Variants in ZNF107 observed in about 807,000 individuals in gnomAD.
The protein encoded by ZNF107 is C2H2 type zinc-finger protein.
In ZNF107, 19 loss-of-function variants were observed where a neutral mutation model predicts 12.3. The observed-to-expected ratio is 1.55, with a 90% CI of 1.08 to 2.27. The LOEUF (loss-of-function observed/expected upper bound fraction) is 2.27. ZNF107 is among the 30% of genes most tolerant of loss of function. The probability of loss-of-function intolerance (pLI) is 0.00; values close to 1 mark genes in which losing one functional copy is unlikely to be tolerated. For synonymous variants in ZNF107, 317 were observed against 330.5 expected (o/e 0.96, Z 0.44); for missense variants, 958 against 979.9 (o/e 0.98, Z 0.30).
At chr7:64,690,521 A>C (rs1262747768) in intron 1 of ZNF107, 1 of 985,248 alleles carries the variant, frequency 1.0e-6, no homozygotes, top group African/African-American at 1.7e-5. Flanking sequence ...AAATGGGAAA[A>C]AAAGGTATGC....
rs146909243 is a variant in ZNF107 at position 64,707,353 on chromosome 7, A to G, written c.1256A>G (p.His419Arg). The change falls in exon 4 of 4, where the codon CAT (histidine) becomes CGT (arginine). Residue 419 changes from histidine to arginine, a missense_variant. Physicochemically the swap from His to Arg is conservative, Grantham distance 29. Transcript: ENST00000620827. Reference sequence around the variant, plus strand: ...ACTCTTACTAGACATAAGATAATTCATACTGGAGAGAAACCCTACAAATGT... The same window carrying G: ...ACTCTTACTAGACATAAGATAATTCGTACTGGAGAGAAACCCTACAAATGT... ...FSTLTRHKII[H>R]TGEKPYKCKE... 1.9e-6 allele frequency: 3 copies of G among 1,613,300 alleles called. No homozygotes were observed. The highest frequency in any genetic ancestry group is 2.5e-6 in the Non-Finnish European group (3 of 1,179,754).
At chr7:64,671,901 C>T (rs1208468787) in intron 1 of ZNF107, among the ~76,000 whole-genome samples, 2 of 151,430 alleles carry the variant, frequency 1.3e-5, no homozygotes, top group Admixed American at 6.6e-5. Flanking sequence ...CCTGCCTCAG[C>T]CTCCCGAGTA....
At chr7:64,687,909 CAT>C (rs1789979039) in intron 1 of ZNF107, among the ~76,000 whole-genome samples, 1 of 152,224 alleles carries the variant, frequency 6.6e-6, no homozygotes, top group East Asian at 1.9e-4. Context: ...AATTACCACA[CAT>C]GATATAAACA....
At chr7:64,692,270 A>C (rs1389209216) in intron 3 of ZNF107, among the ~76,000 whole-genome samples, 1 of 152,140 alleles carries the variant, frequency 6.6e-6, no homozygotes, top group African/African-American at 2.4e-5. Flanking sequence ...ACACACATAC[A>C]TCTGCATAAT....
intron 3 of ZNF107, 55 bp downstream of exon 3, chr7:64,692,015 C>A: frequency 8.2e-7 from 1 of 1,220,640 alleles, no homozygotes; most frequent in South Asian, 1.6e-5. Flanking sequence ...GGTCAAAGGT[C>A]AAAGAAAAAG....
chr7:64,710,457 T>C lies in ZNF107; in HGVS notation c.*1801T>C, dbSNP rs900570137. On this transcript the variant is annotated 3_prime_UTR_variant, in exon 4 of 4. Coordinates refer to ENST00000620827, the MANE Select transcript of ZNF107 (RefSeq NM_001282359.2). ...TAAGTCTATATAAATATCAGAGAATTCACAGTAGAAATATCTAAGGTACTG... is the reference window on the plus strand; with the variant it reads ...TAAGTCTATATAAATATCAGAGAATCCACAGTAGAAATATCTAAGGTACTG... 4 of 152,164 alleles carry C rather than the reference T, an allele frequency of 2.6e-5. No homozygotes were observed. The highest frequency in any genetic ancestry group is 7.2e-5 in the African/African-American group (3 of 41,442). The allele number at this position is 152,164 out of a possible 1,614,324, so 9.4% of individuals were successfully genotyped here.
At chr7:64,671,779 CTTTT>C (rs1213610930) in intron 1 of ZNF107, among the ~76,000 whole-genome samples, 2 of 116,552 alleles carry the variant, frequency 1.7e-5, no homozygotes, top group Admixed American at 9.0e-5. Flanking sequence ...CCTTTTTGTT[CTTTT>C]TTTTTTTTTT....
At chr7:64,701,887 T>C (rs904428134) in intron 3 of ZNF107, among the ~76,000 whole-genome samples, 1 of 152,074 alleles carries the variant, frequency 6.6e-6, no homozygotes, top group Non-Finnish European at 1.5e-5. Context: ...TCCCAAAATA[T>C]TGGGATTACA....
intron 3 of ZNF107, among the ~76,000 whole-genome samples, chr7:64,692,946 G>C (rs1474304152): frequency 6.6e-6 from 1 of 151,844 alleles, no homozygotes. Context: ...TCTGCAACCA[G>C]CAACTTTTTA....
At chr7:64,702,160 T>A (rs1449874192) in intron 3 of ZNF107, among the ~76,000 whole-genome samples, 1 of 152,024 alleles carries the variant, frequency 6.6e-6, no homozygotes, top group African/African-American at 2.4e-5. Flanking sequence ...GTTTTATTTT[T>A]TTTTTTGAGA....
chr7:64,677,884 G>C (rs575192835), intron 1 of ZNF107, among the ~76,000 whole-genome samples: 105 of 149,424 alleles, frequency 7.0e-4, no homozygotes, highest in Admixed American at 6.9e-3. Context: ...AGGATGTCCA[G>C]GAGTTCAAAA....
intron 1 of ZNF107, chr7:64,687,414 G>T (rs1789960873): frequency 1.0e-6 from 1 of 985,464 alleles, no homozygotes; most frequent in Admixed American, 6.1e-5. Flanking sequence ...TTCATTCTCT[G>T]ATGTGGCATT....
intron 3 of ZNF107, among the ~76,000 whole-genome samples, chr7:64,703,888 T>C (rs776677469): frequency 6.6e-6 from 1 of 152,128 alleles, no homozygotes; most frequent in Non-Finnish European, 1.5e-5. Flanking sequence ...TTTGTGTCTT[T>C]TGATTTTTGT....
chr7:64,709,455 CA>C lies in ZNF107; in HGVS notation c.*802del, dbSNP rs1370453450. The C allele has an allele frequency of 2.9e-6, 1 of 343,920 alleles. No individual in the cohort carries two copies. The highest frequency in any genetic ancestry group is 5.6e-6 in the Non-Finnish European group (1 of 178,534). 21.3% of individuals were successfully genotyped at this position (343,920 alleles called of 1,614,324 possible). On this transcript the variant is annotated 3_prime_UTR_variant, in exon 4 of 4. Coordinates refer to ENST00000620827, the MANE Select transcript of ZNF107 (RefSeq NM_001282359.2). ...ACATAAGATAATACTGAAAACTTTA[CA>C]AACCTGAATGATGTGACAATAATTT...
At chr7:64,688,037 G>C (rs1334515369) in intron 1 of ZNF107, among the ~76,000 whole-genome samples, 3 of 152,134 alleles carry the variant, frequency 2.0e-5, no homozygotes, top group Admixed American at 2.0e-4. Flanking sequence ...GCAGAATTGT[G>C]TCTCTGTCTA....
chr7:64,706,616 C>T lies in ZNF107; in HGVS notation c.519C>T (p.Phe173=), dbSNP rs184301840. 1.2e-5 allele frequency: 20 copies of T among 1,613,356 alleles called. No homozygotes were observed. The highest frequency in any genetic ancestry group is 6.7e-5 in the Admixed American group (4 of 59,912). The change falls in exon 4 of 4, where the codon TTC becomes TTT. Residue 173 remains phenylalanine, a synonymous_variant. Transcript: ENST00000620827. The part of the protein sequence containing the change: ...YKRRHTGNKH[F]KCKECSKSFC... ...GAAGACATACAGGAAACAAACACTT[C>T]AAATGTAAAGAATGTAGCAAATCAT...
chr7:64,674,105 T>C (rs1445118845), intron 1 of ZNF107, among the ~76,000 whole-genome samples: 1 of 149,552 alleles, frequency 6.7e-6, no homozygotes, highest in Non-Finnish European at 1.5e-5. Flanking sequence ...TGTTGTTCCA[T>C]ATGAATTTTA....
intron 1 of ZNF107, among the ~76,000 whole-genome samples, chr7:64,676,093 C>T (rs576913459): frequency 6.6e-5 from 10 of 152,200 alleles, no homozygotes. Context: ...CTCAAGTGAT[C>T]TGCCTGCCTC....
chr7:64,685,459 A>G (rs947775400), intron 1 of ZNF107, among the ~76,000 whole-genome samples: 1 of 152,200 alleles, frequency 6.6e-6, no homozygotes, highest in South Asian at 2.1e-4. Context: ...TACGCACTGC[A>G]TGACCATTCA....
Sources: allele counts gnomAD v4.1 joint callset (sites outside exome capture counted in the v4.1 genomes callset), GRCh38; gene constraint gnomAD v4.1.1; transcripts MANE v1.5; gene names NCBI Gene and HGNC (gene_info 2026-07-23, HGNC 2026-07-21).